The following BRIP1 variants were observed in gnomAD, a reference collection of about 807,000 sequenced individuals.
BRIP1 encodes the protein Fanconi anemia group J protein.
Under a neutral mutation model 119.7 loss-of-function variants are expected in BRIP1, and 88 were observed. The ratio of observed to expected loss-of-function variants is 0.74; its 90% confidence interval spans 0.62 to 0.88. The LOEUF is 0.88. Ranked by LOEUF, BRIP1 falls within the 40% of genes least tolerant of loss-of-function variation. BRIP1 has a pLI of 0.00. For synonymous variants in BRIP1, 443 were observed against 496.5 expected (o/e 0.89, Z 1.43); for missense variants, 1,259 against 1,455.4 (o/e 0.87, Z 2.20).
intron 16 of BRIP1, among the ~76,000 whole-genome samples, chr17:61,733,038 A>T (rs186676326): frequency 2.0e-5 from 3 of 152,368 alleles, no homozygotes; most frequent in Non-Finnish European, 4.4e-5. Flanking sequence ...AAAGGGATTT[A>T]TAAATCTATT....
intron 16 of BRIP1, among the ~76,000 whole-genome samples, chr17:61,716,275 G>A (rs867080893): frequency 6.6e-6 from 1 of 151,972 alleles, no homozygotes. Flanking sequence ...TCAGCTGTGT[G>A]ATCTCAAGCA....
chr17:61,694,677 A>G (rs902792077), intron 17 of BRIP1, among the ~76,000 whole-genome samples: 2 of 151,978 alleles, frequency 1.3e-5, no homozygotes, highest in Non-Finnish European at 2.9e-5. Context: ...CATCCTCACC[A>G]TCATTTGTTA....
chr17:61,818,071 G>A (rs1179246475), intron 6 of BRIP1, among the ~76,000 whole-genome samples: 1 of 151,738 alleles, frequency 6.6e-6, no homozygotes, highest in Non-Finnish European at 1.5e-5. Context: ...AATAAGATGG[G>A]GACAGGTGTG....
At position 61,803,595 on chromosome 17, in the gene BRIP1, C is replaced by T. The variant is rs2078028744; in HGVS notation, c.919-2121G>A. Among the ~76,000 whole-genome samples, 1 of 151,988 alleles carries T rather than the reference C, an allele frequency of 6.6e-6. No homozygotes were observed. Among genetic ancestry groups the T allele is most frequent in the Non-Finnish European group, 1.5e-5 (1 of 68,006 alleles). On this transcript the variant is annotated intron_variant, in intron 7 of 19. Coordinates refer to ENST00000259008, the MANE Select transcript of BRIP1 (RefSeq NM_032043.3). This position sits in a 1 kb window ranked among gnomAD's most constrained non-coding sequence, Gnocchi z 4.3. ...CAGTGACCACGCCACTGCACTCCAGCCTGGGCAACAGAGTGAGATCCTGTC... is the reference window on the plus strand; with the variant it reads ...CAGTGACCACGCCACTGCACTCCAGTCTGGGCAACAGAGTGAGATCCTGTC...
At chr17:61,788,636 G>A (rs2077769265) in intron 10 of BRIP1, among the ~76,000 whole-genome samples, 1 of 152,104 alleles carries the variant, frequency 6.6e-6, no homozygotes, top group Admixed American at 6.5e-5. Flanking sequence ...ACACAATCAA[G>A]TCCAGATATA....
In BRIP1 at chr17:61,735,920, A is replaced by T. The variant is rs1216809526; in HGVS notation, c.2379+7093T>A. Among the ~76,000 whole-genome samples, 2 of 152,198 alleles carry T rather than the reference A, an allele frequency of 1.3e-5. No individual in the cohort carries two copies. Among genetic ancestry groups the T allele is most frequent in the Admixed American group, 1.3e-4 (2 of 15,278 alleles). ...ACCTGGCCAACACTCTGATTGCAGC[A>T]GTTTTGTGGAACCCTGACCCAGCTA... On this transcript the variant is annotated intron_variant, in intron 16 of 19. Coordinates refer to ENST00000259008, the MANE Select transcript of BRIP1 (RefSeq NM_032043.3). The surrounding 1 kb of genome is among the most constrained non-coding windows in gnomAD (Gnocchi z 4.4).
chr17:61,772,249 A>G (rs1368916130), intron 14 of BRIP1, among the ~76,000 whole-genome samples: 2 of 146,502 alleles, frequency 1.4e-5, no homozygotes, highest in African/African-American at 5.1e-5. Flanking sequence ...ATTCCGATGT[A>G]TGCTACAAGA....
In BRIP1 at chr17:61,810,981, T is replaced by A. The variant is rs980668308; in HGVS notation, c.628-2224A>T. Among the ~76,000 whole-genome samples, 3 of 152,196 alleles carry A rather than the reference T, an allele frequency of 2.0e-5. No individual in the cohort carries two copies. Among genetic ancestry groups the A allele is most frequent in the Non-Finnish European group, 4.4e-5 (3 of 68,014 alleles). On this transcript the variant is annotated intron_variant, in intron 6 of 19. Transcript: ENST00000259008. This position sits in a 1 kb window ranked among gnomAD's most constrained non-coding sequence, Gnocchi z 4.7. ...TTATCTTTAAATGTTACACTAGTAGTGGTACTAACAAAAGCAAAAGATCAA... is the reference window on the plus strand; with the variant it reads ...TTATCTTTAAATGTTACACTAGTAGAGGTACTAACAAAAGCAAAAGATCAA...
intron 16 of BRIP1, among the ~76,000 whole-genome samples, chr17:61,728,067 G>A (rs1200857541): frequency 6.6e-6 from 1 of 151,864 alleles, no homozygotes; most frequent in African/African-American, 2.4e-5. Context: ...GACCTCAAGT[G>A]ATCCACCCGC....
rs569556657 is a variant in BRIP1 at position 61,687,254 on chromosome 17, T to C, written c.2576-1089A>G. Reference sequence around the variant, plus strand: ...GACCTGTCTCTAAAAAAGAAATAAGTAAATAAAAATAAGAATTTTAGTACT... The same window carrying C: ...GACCTGTCTCTAAAAAAGAAATAAGCAAATAAAAATAAGAATTTTAGTACT... On this transcript the variant is annotated intron_variant, in intron 18 of 19. Coordinates refer to ENST00000259008, the MANE Select transcript of BRIP1 (RefSeq NM_032043.3). The surrounding 1 kb of genome is among the most constrained non-coding windows in gnomAD (Gnocchi z 5.1). Among the ~76,000 whole-genome samples, 2 of 152,144 alleles carry C rather than the reference T, an allele frequency of 1.3e-5. No homozygotes were observed. The highest frequency in any genetic ancestry group is 1.9e-4 in the East Asian group (1 of 5,178).
At chr17:61,747,450 G>A (rs1159386610) in intron 14 of BRIP1, among the ~76,000 whole-genome samples, 1 of 150,508 alleles carries the variant, frequency 6.6e-6, no homozygotes, top group African/African-American at 2.4e-5. Context: ...AGAAATGAAA[G>A]AAGACACACT....
intron 17 of BRIP1, among the ~76,000 whole-genome samples, chr17:61,698,691 G>C (rs2061563887): frequency 6.6e-6 from 1 of 151,686 alleles, no homozygotes; most frequent in Non-Finnish European, 1.5e-5. Context: ...TGCATATTTA[G>C]ACTTGTTATT....
In BRIP1 at chr17:61,706,119, TTA is replaced by T. The variant is rs1450752492; in HGVS notation, c.2492+9830_2492+9831del. Among the ~76,000 whole-genome samples the T allele has an allele frequency of 6.6e-6, 1 of 152,192 alleles. No homozygotes were observed. Among genetic ancestry groups the T allele is most frequent in the Non-Finnish European group, 1.5e-5 (1 of 67,988 alleles). On this transcript the variant is annotated intron_variant, in intron 17 of 19. Coordinates refer to ENST00000259008, the MANE Select transcript of BRIP1 (RefSeq NM_032043.3). This position sits in a 1 kb window ranked among gnomAD's most constrained non-coding sequence, Gnocchi z 5.7. ...TGGGGTGCATACACATTTATGATTC[TTA>T]TGTCTTCTTGGTGAATTCACCCTTT...
At position 61,860,659 on chromosome 17, in the gene BRIP1, C is replaced by T. The variant is rs533293665; in HGVS notation, c.94-752G>A. Among the ~76,000 whole-genome samples the T allele has an allele frequency of 7.2e-5, 11 of 151,920 alleles. No homozygotes were observed. In the South Asian group the frequency reaches 2.3e-3, roughly 32 times the overall value. ...TGGGCGACAGAGTGAGACGCTGTCT[C>T]AAAAACAAAAAGAAAAAAGGAAGTT... On this transcript the variant is annotated intron_variant, in intron 2 of 19. Transcript: ENST00000259008. This position sits in a 1 kb window ranked among gnomAD's most constrained non-coding sequence, Gnocchi z 4.1.
intron 1 of BRIP1, among the ~76,000 whole-genome samples, chr17:61,863,073 C>T (rs2078992761): frequency 6.6e-6 from 1 of 152,120 alleles, no homozygotes; most frequent in Admixed American, 6.6e-5. Context: ...CTCTGCCTCC[C>T]GCCAAGAATT....
At position 61,744,053 on chromosome 17, in the gene BRIP1, C is replaced by A. The variant is rs2077023297; in HGVS notation, c.2257+379G>T. ...AGTTTTCAGTTATGTTTTGAAAATT[C>A]AAGTTTACCTTATGTAATAGAATAC... is the stretch of plus-strand genomic sequence containing the variant. On this transcript the variant is annotated intron_variant, in intron 15 of 19. Transcript: ENST00000259008. This position sits in a 1 kb window ranked among gnomAD's most constrained non-coding sequence, Gnocchi z 5.0. Among the ~76,000 whole-genome samples, 1 of 152,136 alleles carries A rather than the reference C, an allele frequency of 6.6e-6. No homozygotes were observed. The highest frequency in any genetic ancestry group is 2.4e-5 in the African/African-American group (1 of 41,428).
rs955792970 is a variant in BRIP1 at position 61,724,408 on chromosome 17, A to G, written c.2380-8345T>C. ...TAGACAATATGAAATAATCAAAAGG[A>G]TTATACTGCATATGTCAACGAGAAA... On this transcript the variant is annotated intron_variant, in intron 16 of 19. Transcript: ENST00000259008. This position sits in a 1 kb window ranked among gnomAD's most constrained non-coding sequence, Gnocchi z 5.1. 6.6e-6 allele frequency among the ~76,000 whole-genome samples: 1 copy of G among 152,188 alleles called. No homozygotes were observed. The highest frequency in any genetic ancestry group is 2.4e-5 in the African/African-American group (1 of 41,456).
rs1235497455 is a variant in BRIP1 at position 61,848,374 on chromosome 17, C to CA, written c.507+754_507+755insT. 2.7e-5 allele frequency among the ~76,000 whole-genome samples: 4 copies of CA among 147,222 alleles called. No individual in the cohort carries two copies. Among genetic ancestry groups the CA allele is most frequent in the African/African-American group, 5.1e-5 (2 of 39,570 alleles). ...TAGGGCTCATGCCACCACACCCGGT[C>CA]TTTTTTTTTACTTTTTTGTGGAGAC... On this transcript the variant is annotated intron_variant, in intron 5 of 19. Coordinates refer to ENST00000259008, the MANE Select transcript of BRIP1 (RefSeq NM_032043.3). The surrounding 1 kb of genome is among the most constrained non-coding windows in gnomAD (Gnocchi z 4.3).
intron 10 of BRIP1, among the ~76,000 whole-genome samples, chr17:61,787,707 C>T (rs1463454404): frequency 6.6e-6 from 1 of 151,990 alleles, no homozygotes; most frequent in Admixed American, 6.6e-5. Context: ...TGCAGTGGCG[C>T]GATTTCGGCT....
Sources: allele counts gnomAD v4.1 joint callset (sites outside exome capture counted in the v4.1 genomes callset), GRCh38; gene constraint gnomAD v4.1.1; non-coding constraint Gnocchi (gnomAD v3.1); transcripts MANE v1.5; gene names NCBI Gene and HGNC (gene_info 2026-07-23, HGNC 2026-07-21).